The following BCKDHB variants were observed in gnomAD, a reference collection of about 807,000 sequenced individuals.
The protein encoded by BCKDHB is branched chain keto acid dehydrogenase E1 subunit beta.
BCKDHB carries 41 observed loss-of-function variants against 48.5 expected under a neutral mutation model. That is an observed-to-expected ratio of 0.85 (90% CI 0.66 to 1.10). The LOEUF (loss-of-function observed/expected upper bound fraction) is 1.10, where lower values mean the gene tolerates loss of function less well. BCKDHB is among the 50% of genes least tolerant of loss of function. The pLI, the probability that BCKDHB is intolerant of heterozygous loss-of-function variation, is 0.00. For missense variants in BCKDHB, 496 were observed against 494.2 expected (o/e 1.00, Z -0.03); for synonymous variants, 201 against 174.8 (o/e 1.15, Z -1.18).
chr6:80,156,784 G>T (rs991621555), intron 3 of BCKDHB, among the ~76,000 whole-genome samples: 58 of 152,128 alleles, frequency 3.8e-4, no homozygotes, highest in African/African-American at 1.4e-3. Context: ...AACAAAAACA[G>T]AAAGAGATTA....
intron 8 of BCKDHB, among the ~76,000 whole-genome samples, chr6:80,239,762 C>T (rs947072216): frequency 6.6e-6 from 1 of 152,160 alleles, no homozygotes; most frequent in African/African-American, 2.4e-5. Context: ...TTTAATTCCT[C>T]TTGAATTAAT....
the BCKDHB span, among the ~76,000 whole-genome samples, chr6:80,399,461 A>G: frequency 6.6e-6 from 1 of 152,154 alleles, no homozygotes. Context: ...ACAAGAATCA[A>G]GCTGGAAGCC....
rs145775216 is a variant in BCKDHB, at chr6:80,297,251, C to G, written c.1038+24030C>G. ...ACTACTTAGAAAACCTAATATCTGA[C>G]CTGCCTAATTTGGACCAAATGTTTA... On this transcript the variant is annotated intron_variant, in intron 9 of 9. Transcript: ENST00000320393. Among the ~76,000 whole-genome samples, 1,085 of 152,250 alleles carry G rather than the reference C, an allele frequency of 7.1e-3. 13 individuals carry two copies. The highest frequency in any genetic ancestry group is 0.029 in the South Asian group (140 of 4,824).
At chr6:80,265,865 T>G (rs1020354002) in intron 8 of BCKDHB, among the ~76,000 whole-genome samples, 1 of 152,154 alleles carries the variant, frequency 6.6e-6, no homozygotes, top group African/African-American at 2.4e-5. Flanking sequence ...GACAGTGGTC[T>G]TTATGGTTGG....
chr6:80,399,894 A>G, the BCKDHB span, among the ~76,000 whole-genome samples: 1 of 152,224 alleles, frequency 6.6e-6, no homozygotes, highest in Non-Finnish European at 1.5e-5. Flanking sequence ...CATATTGACT[A>G]ATGGAATAGA....
At chr6:80,131,215 C>T (rs909361366) in intron 3 of BCKDHB, among the ~76,000 whole-genome samples, 2 of 152,196 alleles carry the variant, frequency 1.3e-5, no homozygotes, top group Non-Finnish European at 2.9e-5. Flanking sequence ...AGCTTCAGAT[C>T]TGTGTATTCA....
chr6:80,388,827 C>G, the BCKDHB span, among the ~76,000 whole-genome samples: 1 of 152,182 alleles, frequency 6.6e-6, no homozygotes, highest in African/African-American at 2.4e-5. Flanking sequence ...ACTACAGCCC[C>G]TTTTTAGGAC....
In BCKDHB at chr6:80,174,593, C is replaced by T. The variant is rs112015961; in HGVS notation, c.742+3203C>T. Among the ~76,000 whole-genome samples the T allele has an allele frequency of 5.2e-3, 797 of 152,174 alleles. 9 individuals are homozygous for T. Among genetic ancestry groups the T allele is most frequent in the African/African-American group, 0.018 (765 of 41,518 alleles). ...CCCCTCCAGTTCAAACTGTGTTGTT[C>T]AAAGGTTAACTGTAATCTTAACCAA... On this transcript the variant is annotated intron_variant, in intron 6 of 9. Coordinates refer to ENST00000320393, the MANE Select transcript of BCKDHB (RefSeq NM_183050.4).
At chr6:80,361,268 A>G in the BCKDHB span, among the ~76,000 whole-genome samples, 2 of 152,100 alleles carry the variant, frequency 1.3e-5, no homozygotes, top group African/African-American at 4.8e-5. Context: ...ATATTTGTTC[A>G]TTCTAATTCG....
intron 3 of BCKDHB, among the ~76,000 whole-genome samples, chr6:80,139,689 C>T (rs1291665146): frequency 6.6e-6 from 1 of 152,038 alleles, no homozygotes; most frequent in Non-Finnish European, 1.5e-5. Flanking sequence ...CAGTACCATG[C>T]TGTTTTGGTT....
chr6:80,247,095 A>G (rs893926386), intron 8 of BCKDHB, among the ~76,000 whole-genome samples: 4 of 152,238 alleles, frequency 2.6e-5, no homozygotes, highest in Non-Finnish European at 4.4e-5. Flanking sequence ...TGCATGGTCC[A>G]AGCAAAGTCC....
At chr6:80,218,117 C>T (rs1775255288) in intron 8 of BCKDHB, among the ~76,000 whole-genome samples, 1 of 152,140 alleles carries the variant, frequency 6.6e-6, no homozygotes, top group Non-Finnish European at 1.5e-5. Flanking sequence ...TATGCCAACA[C>T]GACTAGGTTG....
chr6:80,397,877 C>A, the BCKDHB span, among the ~76,000 whole-genome samples: 2 of 152,064 alleles, frequency 1.3e-5, no homozygotes, highest in Non-Finnish European at 2.9e-5. Context: ...GACTCTGTCT[C>A]AAAAACAAAC....
chr6:80,437,730 G>T, the BCKDHB span, among the ~76,000 whole-genome samples: 1 of 152,108 alleles, frequency 6.6e-6, no homozygotes, highest in African/African-American at 2.4e-5. Context: ...AGTAACATTA[G>T]CATCTGACAC....
chr6:80,137,783 T>C (rs1306313215), intron 3 of BCKDHB, among the ~76,000 whole-genome samples: 1 of 152,000 alleles, frequency 6.6e-6, no homozygotes, highest in Non-Finnish European at 1.5e-5. Flanking sequence ...CGTACCAAAA[T>C]GTCAATACTG....
In BCKDHB at chr6:80,278,301, T is replaced by A. The variant is rs533963370; in HGVS notation, c.1038+5080T>A. Among the ~76,000 whole-genome samples, 11 of 152,036 alleles carry A rather than the reference T, an allele frequency of 7.2e-5. No individual in the cohort carries two copies. In the East Asian group the frequency reaches 2.1e-3, roughly 29 times the overall value. On this transcript the variant is annotated intron_variant, in intron 9 of 9. Coordinates refer to ENST00000320393, the MANE Select transcript of BCKDHB (RefSeq NM_183050.4). ...ATCAGAAAAACAGTTTAATGTGGAG[T>A]GTTTGGATATAGGATGGCATTTTAA... is the stretch of plus-strand genomic sequence containing the variant.
chr6:80,437,759 G>A, the BCKDHB span, among the ~76,000 whole-genome samples: 3 of 152,050 alleles, frequency 2.0e-5, no homozygotes, highest in East Asian at 5.8e-4. Flanking sequence ...AGCTCCTATG[G>A]TGCATAAATT....
At chr6:80,395,263 G>A in the BCKDHB span, among the ~76,000 whole-genome samples, 10 of 152,130 alleles carry the variant, frequency 6.6e-5, no homozygotes, top group Non-Finnish European at 1.3e-4. Flanking sequence ...AGGAAAGTTT[G>A]GAGCTTCCTA....
intron 9 of BCKDHB, among the ~76,000 whole-genome samples, chr6:80,313,382 A>G (rs1228636151): frequency 2.0e-5 from 3 of 151,890 alleles, no homozygotes; most frequent in East Asian, 1.9e-4. Context: ...TTTCTTTGAG[A>G]TGGAGTCTCG....
Sources: gnomAD v4.1 joint callset for allele counts (sites outside exome capture counted in the v4.1 genomes callset) on GRCh38, gnomAD v4.1.1 for gene constraint, MANE v1.5 for transcripts, NCBI Gene and HGNC (gene_info 2026-07-23, HGNC 2026-07-21) for gene names.